KIF5B: variants seen among roughly 807,000 people sequenced by gnomAD.
KIF5B encodes the protein kinesin-1 heavy chain.
Under a neutral mutation model 132.8 loss-of-function variants are expected in KIF5B, and 49 were observed. The ratio of observed to expected loss-of-function variants is 0.37; its 90% confidence interval spans 0.29 to 0.47. The LOEUF (loss-of-function observed/expected upper bound fraction) is 0.47, where lower values mean the gene tolerates loss of function less well. Ranked by LOEUF, KIF5B falls within the 20% of genes least tolerant of loss-of-function variation. The pLI, the probability that KIF5B is intolerant of heterozygous loss-of-function variation, is 1.00. For missense variants in KIF5B, 780 were observed against 1,144.0 expected (o/e 0.68, Z 4.59); for synonymous variants, 355 against 369.4 (o/e 0.96, Z 0.45).
chr10:32,031,373 G>A (rs1841400810), intron 13 of KIF5B, 94 bp from the exon 14 acceptor site: 5 of 888,356 alleles, frequency 5.6e-6, no homozygotes, highest in Non-Finnish European at 8.9e-6. Flanking sequence ...CAAATGGAGT[G>A]AAATATGGAT....
intron 15 of KIF5B, among the ~76,000 whole-genome samples, chr10:32,026,224 G>A (rs1381889378): frequency 6.6e-6 from 1 of 151,916 alleles, no homozygotes; most frequent in Non-Finnish European, 1.5e-5. Flanking sequence ...AAAGAGGTCA[G>A]GAGATCAAGA....
chr10:32,051,230 T>C (rs1301703333), intron 1 of KIF5B, among the ~76,000 whole-genome samples: 1 of 152,212 alleles, frequency 6.6e-6, no homozygotes, highest in Non-Finnish European at 1.5e-5. Context: ...GGCTAATTTT[T>C]GTATTTTTAG....
chr10:32,021,262 C>T lies in KIF5B; in HGVS notation c.2058G>A (p.Glu686=). The change falls in exon 18 of 26, where the codon GAG becomes GAA. Residue 686 remains glutamate, a synonymous_variant. Coordinates refer to ENST00000302418, the MANE Select transcript of KIF5B (RefSeq NM_004521.3). Reference sequence around the variant, plus strand: ...TTGCAGTCTGAACCTTATTTAAGTGCTCCTTTTCCATTTCATGGACTTTCT... The same window carrying T: ...TTGCAGTCTGAACCTTATTTAAGTGTTCCTTTTCCATTTCATGGACTTTCT... The part of the protein sequence containing the change: ...AQEKVHEMEK[E]HLNKVQTANE... 6.2e-7 allele frequency: 1 copy of T among 1,612,724 alleles called. No individual in the cohort carries two copies. The highest frequency in any genetic ancestry group is 1.3e-5 in the African/African-American group (1 of 75,018).
chr10:32,030,965 G>A, intron 14 of KIF5B, 108 bp downstream of exon 14: 1 of 740,448 alleles, frequency 1.4e-6, no homozygotes, highest in Non-Finnish European at 2.2e-6. Flanking sequence ...CTTGAAAATT[G>A]ATGTTATCGA....
chr10:32,029,228 A>C (rs1221844851), intron 14 of KIF5B, among the ~76,000 whole-genome samples: 1 of 152,138 alleles, frequency 6.6e-6, no homozygotes, highest in East Asian at 1.9e-4. Context: ...GAGCATCCCC[A>C]CTCCGAAGTG....
Position 32,048,454 on chromosome 10 carries a change from A to G in KIF5B, c.214+10T>C, listed in dbSNP as rs1371086300. The G allele has an allele frequency of 2.5e-6, 4 of 1,576,036 alleles. No individual in the cohort carries two copies. Among genetic ancestry groups the G allele is most frequent in the Non-Finnish European group, 3.5e-6 (4 of 1,152,418 alleles). On this transcript the variant is annotated intron_variant, in intron 2 of 25. Transcript: ENST00000302418. ...TTGCTGAGACAACTCAGCAGGTTGAATATATTTACCTTTAACAATCTTCTT... is the reference window on the plus strand; with the variant it reads ...TTGCTGAGACAACTCAGCAGGTTGAGTATATTTACCTTTAACAATCTTCTT...
At chr10:32,037,695 C>T (rs1030784092) in intron 6 of KIF5B, 88 bp from the exon 7 acceptor site, 24 of 942,948 alleles carry the variant, frequency 2.5e-5, no homozygotes, top group East Asian at 1.3e-4. Context: ...TAGCCGGGCG[C>T]GGTGGCGGGT....
intron 2 of KIF5B, among the ~76,000 whole-genome samples, chr10:32,046,540 CCT>C (rs1247077021): frequency 1.3e-5 from 2 of 152,108 alleles, no homozygotes; most frequent in Non-Finnish European, 2.9e-5. Flanking sequence ...AATAACCTGG[CCT>C]CTCAGCTCCT....
chr10:32,053,768 C>CA (rs1489163381), intron 1 of KIF5B, among the ~76,000 whole-genome samples: 3 of 151,138 alleles, frequency 2.0e-5, no homozygotes. Flanking sequence ...ACCAACCAAC[C>CA]AAAAAACAAC....
intron 3 of KIF5B, among the ~76,000 whole-genome samples, chr10:32,040,128 G>A (rs536337908): frequency 5.3e-4 from 80 of 152,248 alleles, no homozygotes; most frequent in African/African-American, 1.8e-3. Flanking sequence ...AAAAATTCTT[G>A]TCTAAAATGT....
intron 19 of KIF5B, 144 bp downstream of exon 19, chr10:32,020,878 A>C: frequency 1.8e-6 from 1 of 546,806 alleles, no homozygotes; most frequent in Non-Finnish European, 3.2e-6. Flanking sequence ...GGAATTTAGA[A>C]GTTTTACTCA....
At chr10:32,026,330 C>T (rs1387841145) in intron 15 of KIF5B, among the ~76,000 whole-genome samples, 2 of 148,158 alleles carry the variant, frequency 1.3e-5, no homozygotes, top group East Asian at 2.0e-4. Flanking sequence ...CCTAGCTACT[C>T]GGGAGGCCGA....
intron 13 of KIF5B, among the ~76,000 whole-genome samples, chr10:32,032,463 T>C (rs1461945782): frequency 6.6e-6 from 1 of 151,824 alleles, no homozygotes; most frequent in Non-Finnish European, 1.5e-5. Context: ...GGATCCAAAG[T>C]AAGTGACAAG....
chr10:32,024,067 A>AC (rs36094539), intron 15 of KIF5B, among the ~76,000 whole-genome samples: 1,432 of 131,858 alleles, frequency 0.011, 31 homozygotes, highest in Admixed American at 0.02. Flanking sequence ...AAAAAAACAA[A>AC]AAAAAAAAAA....
chr10:32,048,728 T>C (rs1359354164), intron 1 of KIF5B, among the ~76,000 whole-genome samples, 177 bp from the exon 2 acceptor site: 1 of 152,174 alleles, frequency 6.6e-6, no homozygotes, highest in African/African-American at 2.4e-5. Flanking sequence ...TCCATTAGAA[T>C]AAACTCCAGG....
chr10:32,032,529 T>C (rs1343619323), intron 13 of KIF5B, among the ~76,000 whole-genome samples, 177 bp downstream of exon 13: 1 of 152,206 alleles, frequency 6.6e-6, no homozygotes, highest in African/African-American at 2.4e-5. Context: ...GAACAACAGA[T>C]TGTATCTGGG....
chr10:32,046,842 A>G (rs966772990), intron 2 of KIF5B, among the ~76,000 whole-genome samples: 2 of 152,198 alleles, frequency 1.3e-5, no homozygotes, highest in African/African-American at 4.8e-5. Context: ...CGATGGGGTT[A>G]CTTCCTGATA....
Position 32,032,727 on chromosome 10 carries a change from C to T in KIF5B, c.1353G>A (p.Thr451=), listed in dbSNP as rs780370751. ...TCACCTCCTCCTGATCCAACATTTG[C>T]GTCTTCAGTTTCTCTACCAGTTGAC... ...QQSQLVEKLK[T]QMLDQEELLA... The change falls in exon 13 of 26, where the codon ACG becomes ACA. Residue 451 remains threonine, a synonymous_variant. Transcript: ENST00000302418. The T allele has an allele frequency of 1.4e-5, 22 of 1,613,594 alleles. No homozygotes were observed. Among genetic ancestry groups the T allele is most frequent in the Non-Finnish European group, 1.8e-5 (21 of 1,179,650 alleles).
chr10:32,012,255 C>G (rs1183079468), intron 25 of KIF5B, among the ~76,000 whole-genome samples: 1 of 152,144 alleles, frequency 6.6e-6, no homozygotes, highest in East Asian at 1.9e-4. Context: ...GGCAGATCAC[C>G]TGCGGTCAGG....
Sources: allele counts gnomAD v4.1 joint callset (sites outside exome capture counted in the v4.1 genomes callset), GRCh38; gene constraint gnomAD v4.1.1; transcripts MANE v1.5; gene names NCBI Gene and HGNC (gene_info 2026-07-23, HGNC 2026-07-21).